The following PRR5 variants were observed in gnomAD, a reference collection of about 807,000 sequenced individuals.
PRR5 encodes the protein proline rich 5.
PRR5 carries 25 observed loss-of-function variants against 30.6 expected under a neutral mutation model. The ratio of observed to expected loss-of-function variants is 0.82; its 90% CI spans 0.60 to 1.14. PRR5 has a LOEUF of 1.14. Among genes scored for constraint, PRR5 ranks in the 50% most tolerant of loss-of-function variants. The pLI is 0.00. For missense variants in PRR5, 600 were observed against 547.1 expected (o/e 1.10, Z -0.96); for synonymous variants, 286 against 247.1 (o/e 1.16, Z -1.48).
chr22:44,690,185 C>T lies in PRR5; in HGVS notation c.-10-12307C>T, dbSNP rs1185452438. On this transcript the variant is annotated intron_variant, in intron 1 of 8. Transcript: ENST00000006251. ...AGAAGGCCAGGAGGGAGAGAGAAGA[C>T]CCTGTGGGCAGACAGAGCCCCCAGG... is the stretch of plus-strand genomic sequence containing the variant. Among the ~76,000 whole-genome samples the T allele has an allele frequency of 2.6e-5, 4 of 152,106 alleles. No homozygotes were observed. The East Asian group carries it at 7.7e-4, about 29-fold the overall frequency.
intron 2 of PRR5, among the ~76,000 whole-genome samples, chr22:44,722,256 G>A (rs1028199243): frequency 4.6e-5 from 7 of 152,256 alleles, no homozygotes; most frequent in Admixed American, 2.6e-4. Flanking sequence ...ACTCAGCTGC[G>A]CTGTTAGCCT....
At chr22:44,720,570 G>A (rs6006855) in intron 2 of PRR5, among the ~76,000 whole-genome samples, 35,518 of 152,182 alleles carry the variant, frequency 0.23, 4,747 homozygotes, top group South Asian at 0.4. Flanking sequence ...GAAGTTGCCC[G>A]TCCGTTTAGC....
intron 1 of PRR5, among the ~76,000 whole-genome samples, chr22:44,670,889 G>A (rs529783036): frequency 6.6e-6 from 1 of 152,280 alleles, no homozygotes; most frequent in African/African-American, 2.4e-5. Flanking sequence ...CGCAAGTTGT[G>A]GACATTTGTG....
intron 2 of PRR5, among the ~76,000 whole-genome samples, chr22:44,720,812 T>C (rs538574231): frequency 2.6e-5 from 4 of 151,688 alleles, no homozygotes; most frequent in Admixed American, 6.6e-5. Flanking sequence ...AGAGAAGGAG[T>C]GCGCTGAGTT....
intron 1 of PRR5, among the ~76,000 whole-genome samples, chr22:44,708,590 C>T (rs1178539820): frequency 6.6e-6 from 1 of 152,144 alleles, no homozygotes; most frequent in Non-Finnish European, 1.5e-5. Context: ...GTACCGGGCC[C>T]TATGGATGAG....
rs1925312746 is a variant in PRR5, at chr22:44,692,245, C to G, written c.-10-10247C>G. Among the ~76,000 whole-genome samples the G allele has an allele frequency of 3.5e-5, 5 of 144,858 alleles. No individual in the cohort carries two copies. The South Asian group carries it at 1.1e-3, about 33-fold the overall frequency. ...GCTCCTCCACCTGGCGCTCCTCCAC[C>G]CAGGGCTCCTCCTCCCGGGGCTCCT... On this transcript the variant is annotated intron_variant, in intron 1 of 8. Coordinates refer to the PRR5 transcript ENST00000006251.
At chr22:44,700,904 C>T (rs749301291), upstream of PRR5, among the ~76,000 whole-genome samples, 7 of 152,086 alleles carry the variant, frequency 4.6e-5, no homozygotes, top group East Asian at 1.9e-4. Context: ...ATTTTTGAGA[C>T]GGAGTTTTGC....
chr22:44,718,287 C>G (rs1042104621), intron 2 of PRR5, among the ~76,000 whole-genome samples: 1 of 150,732 alleles, frequency 6.6e-6, no homozygotes, highest in Non-Finnish European at 1.5e-5. Context: ...CTCCGCCTCC[C>G]GGGTTCAAGC....
At chr22:44,709,721 G>A (rs765636463) in intron 1 of PRR5, among the ~76,000 whole-genome samples, 38 of 152,162 alleles carry the variant, frequency 2.5e-4, no homozygotes, top group East Asian at 9.7e-4. Context: ...GAGTGGTGGC[G>A]CGCACCTGTA....
At chr22:44,707,696 G>A (rs1927451831) in intron 1 of PRR5, among the ~76,000 whole-genome samples, 1 of 152,220 alleles carries the variant, frequency 6.6e-6, no homozygotes, top group Non-Finnish European at 1.5e-5. Flanking sequence ...CCTCTGTCTG[G>A]GGATCCCCAG....
At chr22:44,702,102 C>G (rs1926370368), upstream of PRR5, 2 of 220,946 alleles carry the variant, frequency 9.1e-6, no homozygotes, top group Non-Finnish European at 1.6e-5. Context: ...CACGCCCCCT[C>G]GCCTGAGGCC....
At chr22:44,724,333 G>A (rs184551293) in intron 2 of PRR5, among the ~76,000 whole-genome samples, 2 of 152,316 alleles carry the variant, frequency 1.3e-5, no homozygotes, top group African/African-American at 2.4e-5. Context: ...CTACTCAGGA[G>A]GCTGAGGCAG....
intron 1 of PRR5, among the ~76,000 whole-genome samples, chr22:44,693,795 A>ATTTTTTTTTTTTT (rs61604082): frequency 9.0e-4 from 72 of 79,580 alleles, no homozygotes; most frequent in African/African-American, 3.1e-3. Flanking sequence ...ACACTCGGCT[A>ATTTTTTTTTTTTT]TTTTTTTTTT....
At chr22:44,685,296 C>T (rs957363133) in intron 1 of PRR5, among the ~76,000 whole-genome samples, 1 of 152,206 alleles carries the variant, frequency 6.6e-6, no homozygotes, top group East Asian at 1.9e-4. Context: ...TGTGCAAGGC[C>T]TCAGTCTCAC....
At chr22:44,681,744 C>T (rs1050713301) in intron 1 of PRR5, among the ~76,000 whole-genome samples, 4 of 152,154 alleles carry the variant, frequency 2.6e-5, no homozygotes, top group African/African-American at 7.2e-5. Context: ...TGGGAAAGAG[C>T]AGCCACTGAG....
chr22:44,724,234 G>T (rs370033133), intron 2 of PRR5, among the ~76,000 whole-genome samples: 2 of 152,090 alleles, frequency 1.3e-5, no homozygotes, highest in Non-Finnish European at 2.9e-5. Flanking sequence ...TCAGGAGTTC[G>T]AGACCAGCCT....
At chr22:44,733,682 C>G (rs560057968) in intron 6 of PRR5, among the ~76,000 whole-genome samples, 1 of 152,272 alleles carries the variant, frequency 6.6e-6, no homozygotes, top group South Asian at 2.1e-4. Context: ...CTTGGTCATT[C>G]ACAACCAAGT....
chr22:44,699,298 C>T (rs1358066561), upstream of PRR5, among the ~76,000 whole-genome samples: 5 of 152,188 alleles, frequency 3.3e-5, no homozygotes, highest in Non-Finnish European at 7.4e-5. Flanking sequence ...TGGAGCTGGC[C>T]CCTCCTGCCA....
At chr22:44,736,186 C>T (rs1367538075) in intron 7 of PRR5, among the ~76,000 whole-genome samples, 3 of 152,206 alleles carry the variant, frequency 2.0e-5, no homozygotes, top group African/African-American at 2.4e-5. Flanking sequence ...GTCTATTACT[C>T]TCCACGCAGC....
Sources: gnomAD v4.1 joint callset for allele counts (sites outside exome capture counted in the v4.1 genomes callset) on GRCh38, gnomAD v4.1.1 for gene constraint, MANE v1.5 for transcripts, NCBI Gene and HGNC (gene_info 2026-07-23, HGNC 2026-07-21) for gene names.